DDAH1: variants seen among roughly 807,000 people sequenced by gnomAD.
DDAH1 encodes dimethylarginine dimethylaminohydrolase 1.
Under a neutral mutation model 28.8 loss-of-function variants are expected in DDAH1, and 19 were observed. The observed-to-expected ratio is 0.66, with a 90% CI of 0.46 to 0.97. The LOEUF is 0.97. Among genes scored for constraint, DDAH1 ranks in the 50% least tolerant of loss-of-function variants. The pLI, the probability that DDAH1 is intolerant of heterozygous loss-of-function variation, is 0.00. For missense variants in DDAH1, 326 were observed against 375.9 expected (o/e 0.87, Z 1.10); for synonymous variants, 153 against 154.4 (o/e 0.99, Z 0.07).
At chr1:85,521,453 C>T (rs1483770634) in intron 1 of DDAH1, among the ~76,000 whole-genome samples, 2 of 151,798 alleles carry the variant, frequency 1.3e-5, no homozygotes, top group African/African-American at 4.8e-5. Flanking sequence ...CCAGTGTGAA[C>T]TCATGCTGTC....
rs530685030 is a variant in DDAH1 at position 85,485,973 on chromosome 1, G to T, written c.-7+10193C>A. 7.9e-4 allele frequency among the ~76,000 whole-genome samples: 120 copies of T among 152,262 alleles called. 4 individuals carry two copies. In the South Asian group the frequency reaches 0.022, roughly 28 times the overall value. ...CTTGGGAAGTGAACTATTTTGGCTAGAAACTGTTAGATTTTTCTGGAAATT... is the reference window on the plus strand; with the variant it reads ...CTTGGGAAGTGAACTATTTTGGCTATAAACTGTTAGATTTTTCTGGAAATT... On this transcript the variant is annotated intron_variant, in intron 2 of 6. Coordinates refer to the DDAH1 transcript ENST00000426972.
At chr1:85,554,282 T>TTG (rs1553148477) in intron 1 of DDAH1, among the ~76,000 whole-genome samples, 2 of 149,668 alleles carry the variant, frequency 1.3e-5, no homozygotes, top group African/African-American at 4.9e-5. Context: ...AAGAGTTTTT[T>TTG]TTTTTTTTTT....
intron 1 of DDAH1, among the ~76,000 whole-genome samples, chr1:85,554,287 T>TTTG (rs1008127267): frequency 1.3e-5 from 2 of 150,222 alleles, no homozygotes; most frequent in East Asian, 1.9e-4. Context: ...TTTTTTTTTT[T>TTTG]TTTTTTTTTT....
chr1:85,431,376 A>G (rs565669329), intron 1 of DDAH1, among the ~76,000 whole-genome samples: 24 of 152,272 alleles, frequency 1.6e-4, no homozygotes, highest in African/African-American at 5.3e-4. Flanking sequence ...AGTCCTGCTA[A>G]GGATAGCTAG....
chr1:85,456,760 C>T (rs1307810915), intron 1 of DDAH1, among the ~76,000 whole-genome samples: 1 of 152,124 alleles, frequency 6.6e-6, no homozygotes, highest in Admixed American at 6.5e-5. Flanking sequence ...TACAAGATGA[C>T]AGGTTTTCCT....
chr1:85,500,758 G>C (rs191793773), intron 1 of DDAH1, among the ~76,000 whole-genome samples: 48 of 152,036 alleles, frequency 3.2e-4, no homozygotes, highest in African/African-American at 1.1e-3. Context: ...ATTTTTTTCA[G>C]TGCTTTTTTC....
intron 1 of DDAH1, among the ~76,000 whole-genome samples, chr1:85,449,738 G>T (rs1012085838): frequency 1.3e-5 from 2 of 152,140 alleles, no homozygotes; most frequent in Non-Finnish European, 2.9e-5. Context: ...ATGTGTGGTG[G>T]GTGAAAGTCC....
chr1:85,468,249 A>T (rs1453263084), upstream of DDAH1, among the ~76,000 whole-genome samples: 1 of 152,164 alleles, frequency 6.6e-6, no homozygotes, highest in Non-Finnish European at 1.5e-5. Context: ...TCTTTTTTCC[A>T]AGCAATATTC....
intron 1 of DDAH1, among the ~76,000 whole-genome samples, chr1:85,528,716 C>G (rs555129764): frequency 2.0e-5 from 3 of 152,230 alleles, no homozygotes; most frequent in African/African-American, 7.2e-5. Flanking sequence ...AGGCTCATGC[C>G]TGTAATCTCA....
chr1:85,464,201 T>C lies in DDAH1; in HGVS notation c.303+542A>G, dbSNP rs1253878448. ...TCATTCACTTACTAGTCCCGTTCTT[T>C]GGGACTCACTCGCCACCACTGAAAA... On this transcript the variant is annotated intron_variant, in intron 1 of 5. Coordinates refer to ENST00000284031, the MANE Select transcript of DDAH1 (RefSeq NM_012137.4). The surrounding 1 kb of genome is among the most constrained non-coding windows in gnomAD (Gnocchi z 4.4). 6.6e-6 allele frequency among the ~76,000 whole-genome samples: 1 copy of C among 152,256 alleles called. No homozygotes were observed. The highest frequency in any genetic ancestry group is 1.9e-4 in the East Asian group (1 of 5,164).
At chr1:85,508,340 A>G (rs942529026) in intron 1 of DDAH1, among the ~76,000 whole-genome samples, 5 of 152,240 alleles carry the variant, frequency 3.3e-5, no homozygotes, top group African/African-American at 1.2e-4. Context: ...TAAAAAGGCA[A>G]GGTAAGATAG....
intron 1 of DDAH1, among the ~76,000 whole-genome samples, chr1:85,551,471 TC>T (rs1658789477): frequency 6.6e-6 from 1 of 152,212 alleles, no homozygotes; most frequent in Admixed American, 6.5e-5. Context: ...AACCCCTTGC[TC>T]ATTCAGAGTG....
At chr1:85,331,550 A>G (rs1180020735) in intron 4 of DDAH1, among the ~76,000 whole-genome samples, 2 of 152,162 alleles carry the variant, frequency 1.3e-5, no homozygotes, top group Non-Finnish European at 1.5e-5. Context: ...TTGCTACTGC[A>G]TATCTAAAAT....
intron 1 of DDAH1, among the ~76,000 whole-genome samples, chr1:85,450,552 G>A (rs1307713084): frequency 6.6e-6 from 1 of 152,170 alleles, no homozygotes; most frequent in Non-Finnish European, 1.5e-5. Flanking sequence ...AAATAATAAT[G>A]TTACTATTAC....
intron 1 of DDAH1, among the ~76,000 whole-genome samples, chr1:85,507,998 T>C (rs1657084665): frequency 6.6e-6 from 1 of 152,230 alleles, no homozygotes; most frequent in Non-Finnish European, 1.5e-5. Flanking sequence ...ATAAATGATT[T>C]CATGAATTTC....
At chr1:85,321,610 GT>G in intron 5 of DDAH1, 42 bp from the exon 6 acceptor site, 1 of 1,420,690 alleles carries the variant, frequency 7.0e-7, no homozygotes, top group Middle Eastern at 1.8e-4. Context: ...GAAGGATTAT[GT>G]TTTACCATCC....
At chr1:85,443,542 A>G (rs906522754) in intron 1 of DDAH1, among the ~76,000 whole-genome samples, 8 of 152,228 alleles carry the variant, frequency 5.3e-5, no homozygotes, top group Non-Finnish European at 1.0e-4. Flanking sequence ...ACTTTAAAGT[A>G]GTTTTTTCCA....
chr1:85,465,548 TTACAAAGTC>T (rs1340253915), upstream of DDAH1, among the ~76,000 whole-genome samples: 5 of 152,192 alleles, frequency 3.3e-5, no homozygotes, highest in Admixed American at 3.3e-4. Flanking sequence ...CCTTGCGTGC[TTACAAAGTC>T]TAGCCCACTT....
intron 2 of DDAH1, among the ~76,000 whole-genome samples, chr1:85,487,458 G>A (rs1035415076): frequency 1.3e-5 from 2 of 152,190 alleles, no homozygotes; most frequent in East Asian, 1.9e-4. Context: ...TGCATCAAAT[G>A]TAAACTTCTG....
Sources: allele counts gnomAD v4.1 joint callset (sites outside exome capture counted in the v4.1 genomes callset), GRCh38; gene constraint gnomAD v4.1.1; non-coding constraint Gnocchi (gnomAD v3.1); transcripts MANE v1.5; gene names NCBI Gene and HGNC (gene_info 2026-07-23, HGNC 2026-07-21).